The following JARID2 variants were observed in gnomAD, a reference collection of about 807,000 sequenced individuals.
JARID2 encodes jumonji and AT-rich interaction domain containing 2.
In JARID2, 21 loss-of-function variants were observed where a neutral mutation model predicts 125.6. The observed-to-expected ratio is 0.17, with a 90% CI of 0.12 to 0.24. JARID2 has a LOEUF of 0.24. JARID2 is among the 10% of genes least tolerant of loss of function. JARID2 has a pLI of 1.00. For synonymous variants in JARID2, 736 were observed against 661.6 expected (o/e 1.11, Z -1.73); for missense variants, 1,303 against 1,639.6 (o/e 0.79, Z 3.55).
At chr6:15,381,841 T>A (rs1325254614) in intron 2 of JARID2, among the ~76,000 whole-genome samples, 1 of 152,274 alleles carries the variant, frequency 6.6e-6, no homozygotes, top group Non-Finnish European at 1.5e-5. Context: ...TGCACCATTA[T>A]GTTATGTATC....
At chr6:15,435,701 C>T (rs1448245873) in intron 3 of JARID2, among the ~76,000 whole-genome samples, 1 of 152,036 alleles carries the variant, frequency 6.6e-6, no homozygotes, top group East Asian at 1.9e-4. Context: ...TGATGCCATG[C>T]TTTGCTACAT....
rs1376808145 is a variant in JARID2, at chr6:15,410,090, G to A, written c.182-134G>A. The A allele has an allele frequency of 1.1e-5, 8 of 750,682 alleles. No homozygotes were observed. In the South Asian group the frequency reaches 1.2e-4, roughly 11 times the overall value. The allele number at this position is 750,682 out of a possible 1,614,324, so 46.5% of individuals were successfully genotyped here. A position where few individuals can be genotyped will look rare whatever the true frequency, so the allele number is the denominator to read the frequency against. On this transcript the variant is annotated intron_variant, in intron 2 of 17. Coordinates refer to ENST00000341776, the MANE Select transcript of JARID2 (RefSeq NM_004973.4). ...TTGCTTTTCTCCACCCATTCAAAAG[G>A]GATGTGTGCTTTTAAATTCTCTTCT...
At chr6:15,414,433 A>C (rs1417929789) in intron 3 of JARID2, among the ~76,000 whole-genome samples, 1 of 152,178 alleles carries the variant, frequency 6.6e-6, no homozygotes, top group Admixed American at 6.5e-5. Flanking sequence ...AGCTATAGAA[A>C]CCAGTGGAGT....
intron 1 of JARID2, among the ~76,000 whole-genome samples, chr6:15,295,052 T>C (rs1329531080): frequency 1.3e-5 from 2 of 152,058 alleles, no homozygotes; most frequent in African/African-American, 4.8e-5. Context: ...CTTTGCCTGG[T>C]ATAGAACCAT....
intron 1 of JARID2, among the ~76,000 whole-genome samples, chr6:15,300,722 T>TGTGTGTGTGTGTGA (rs1246745065): frequency 3.1e-4 from 34 of 111,112 alleles, no homozygotes; most frequent in African/African-American, 8.2e-4. Flanking sequence ...TGTGTGTGTG[T>TGTGTGTGTGTGTGA]GAGAGAGAGA....
chr6:15,347,951 C>T (rs1391325422), intron 1 of JARID2, among the ~76,000 whole-genome samples: 1 of 152,090 alleles, frequency 6.6e-6, no homozygotes, highest in African/African-American at 2.4e-5. Flanking sequence ...ATGCTGTCTT[C>T]CTATTTTGCC....
intron 5 of JARID2, among the ~76,000 whole-genome samples, chr6:15,474,351 CTG>C: frequency 6.6e-6 from 1 of 152,206 alleles, no homozygotes; most frequent in Admixed American, 6.5e-5. Flanking sequence ...TAAAATTACA[CTG>C]TAATGCCATG....
chr6:15,406,399 G>C (rs1322978616), intron 2 of JARID2, among the ~76,000 whole-genome samples: 1 of 152,166 alleles, frequency 6.6e-6, no homozygotes, highest in Non-Finnish European at 1.5e-5. Flanking sequence ...GTGCCACTGC[G>C]CTCCAGCCTC....
At position 15,291,914 on chromosome 6, in the gene JARID2, A is replaced by G. The variant is rs116386210; in HGVS notation, c.45+45330A>G. ...CAGTGTCATAGCATTTTCTTATGTT[A>G]TTACATATGTTCCATAATAACAAAT... On this transcript the variant is annotated intron_variant, in intron 1 of 17. Coordinates refer to ENST00000341776, the MANE Select transcript of JARID2 (RefSeq NM_004973.4). 3.2e-3 allele frequency among the ~76,000 whole-genome samples: 480 copies of G among 152,164 alleles called. 3 individuals carry two copies. The highest frequency in any genetic ancestry group is 0.011 in the African/African-American group (460 of 41,518).
At chr6:15,418,719 A>G (rs1377827225) in intron 3 of JARID2, among the ~76,000 whole-genome samples, 1 of 151,952 alleles carries the variant, frequency 6.6e-6, no homozygotes, top group Non-Finnish European at 1.5e-5. Context: ...TTGTCCTATT[A>G]GATTGAATTT....
intron 1 of JARID2, 25 bp from the exon 2 acceptor site, chr6:15,374,092 C>T: frequency 2.5e-6 from 4 of 1,609,168 alleles, no homozygotes; most frequent in Non-Finnish European, 3.4e-6. Context: ...TTCAGTAACT[C>T]CTCTCTTTTC....
At chr6:15,514,741 C>T (rs1365613872) in intron 16 of JARID2, among the ~76,000 whole-genome samples, 1 of 152,154 alleles carries the variant, frequency 6.6e-6, no homozygotes, top group African/African-American at 2.4e-5. Flanking sequence ...GATAGGCCCA[C>T]CCTCATGGCC....
chr6:15,255,333 G>C (rs577840928), intron 1 of JARID2, among the ~76,000 whole-genome samples: 2 of 152,124 alleles, frequency 1.3e-5, no homozygotes, highest in African/African-American at 4.8e-5. Context: ...TCTATCTCTT[G>C]ACCTTGTGAT....
intron 1 of JARID2, among the ~76,000 whole-genome samples, chr6:15,327,484 G>T (rs1046813092): frequency 1.3e-5 from 2 of 152,146 alleles, no homozygotes; most frequent in African/African-American, 4.8e-5. Flanking sequence ...AGGTATAAAT[G>T]TGAGTGATAC....
chr6:15,295,335 A>G (rs886072188), intron 1 of JARID2, among the ~76,000 whole-genome samples: 1 of 151,948 alleles, frequency 6.6e-6, no homozygotes, highest in African/African-American at 2.4e-5. Context: ...GTTAGCCAGG[A>G]TGGTCTTGAT....
At chr6:15,502,664 A>G (rs1411418245) in intron 8 of JARID2, among the ~76,000 whole-genome samples, 1 of 152,178 alleles carries the variant, frequency 6.6e-6, no homozygotes, top group African/African-American at 2.4e-5. Context: ...CTTTAAGTCC[A>G]GGCCCTGCAG....
intron 1 of JARID2, among the ~76,000 whole-genome samples, chr6:15,302,384 C>G (rs951524627): frequency 6.6e-6 from 1 of 151,736 alleles, no homozygotes; most frequent in Non-Finnish European, 1.5e-5. Flanking sequence ...CACTGCACTC[C>G]ATCCTGGGCG....
At chr6:15,257,917 A>G (rs1033145172) in intron 1 of JARID2, among the ~76,000 whole-genome samples, 2 of 152,258 alleles carry the variant, frequency 1.3e-5, no homozygotes, top group Non-Finnish European at 2.9e-5. Flanking sequence ...AAATTGCTCT[A>G]AGAACACAAT....
chr6:15,415,573 G>C (rs1254275723), intron 3 of JARID2, among the ~76,000 whole-genome samples: 2 of 150,014 alleles, frequency 1.3e-5, no homozygotes, highest in African/African-American at 4.9e-5. Context: ...CTCCCGGACG[G>C]GGCTGCTGGC....
Sources: gnomAD v4.1 joint callset for allele counts (sites outside exome capture counted in the v4.1 genomes callset) on GRCh38, gnomAD v4.1.1 for gene constraint, MANE v1.5 for transcripts, NCBI Gene and HGNC (gene_info 2026-07-23, HGNC 2026-07-21) for gene names.